KIRREL3: variants seen among roughly 807,000 people sequenced by gnomAD.
The protein encoded by KIRREL3 is kirre like nephrin family adhesion molecule 3, also known as kin of IRRE-like protein 3.
KIRREL3 carries 36 observed loss-of-function variants against 89.7 expected under a neutral mutation model. The observed-to-expected ratio is 0.40, with a 90% CI of 0.31 to 0.53. The LOEUF is 0.53. KIRREL3 is among the 20% of genes least tolerant of loss of function. The probability of loss-of-function intolerance (pLI) is 0.49; values close to 1 mark genes in which losing one functional copy is unlikely to be tolerated. For missense variants in KIRREL3, 864 were observed against 1,056.6 expected (o/e 0.82, Z 2.53); for synonymous variants, 445 against 441.4 (o/e 1.01, Z -0.10).
rs1948879193 is a variant in KIRREL3, at chr11:126,954,910, G to A, written c.55+45545C>T. On this transcript the variant is annotated intron_variant, in intron 1 of 16. Coordinates refer to ENST00000525144, the MANE Select transcript of KIRREL3 (RefSeq NM_032531.4). This position sits in a 1 kb window ranked among gnomAD's most constrained non-coding sequence, Gnocchi z 4.1. ...AAAGAAGACGCACCTCAAACATACT[G>A]TGTGGGCAACAACTCTGTCTCTTGC... is the stretch of plus-strand genomic sequence containing the variant. Among the ~76,000 whole-genome samples, 1 of 152,184 alleles carries A rather than the reference G, an allele frequency of 6.6e-6. No individual in the cohort carries two copies. The highest frequency in any genetic ancestry group is 1.5e-5 in the Non-Finnish European group (1 of 68,042).
At chr11:126,470,830 C>T (rs1476307220) in intron 5 of KIRREL3, among the ~76,000 whole-genome samples, 1 of 152,188 alleles carries the variant, frequency 6.6e-6, no homozygotes, top group Non-Finnish European at 1.5e-5. Context: ...CTGAGAAGGA[C>T]AGTCACTTCC....
chr11:126,503,376 C>G (rs1469020492), intron 4 of KIRREL3, among the ~76,000 whole-genome samples: 3 of 152,068 alleles, frequency 2.0e-5, no homozygotes, highest in South Asian at 2.1e-4. Flanking sequence ...AACATCTGCT[C>G]TCTCCCCTAG....
intron 1 of KIRREL3, among the ~76,000 whole-genome samples, chr11:126,833,870 T>C (rs980671654): frequency 1.3e-5 from 2 of 152,186 alleles, no homozygotes; most frequent in Non-Finnish European, 2.9e-5. Context: ...TGACTCCAGA[T>C]TTATGAGGGA....
intron 2 of KIRREL3, among the ~76,000 whole-genome samples, chr11:126,540,660 G>A (rs1463054312): frequency 6.6e-6 from 1 of 152,242 alleles, no homozygotes; most frequent in African/African-American, 2.4e-5. Flanking sequence ...CGAAGACACT[G>A]ATAAGTGCTG....
intron 9 of KIRREL3, among the ~76,000 whole-genome samples, chr11:126,445,681 C>T (rs1955762173): frequency 6.6e-6 from 1 of 152,160 alleles, no homozygotes; most frequent in Non-Finnish European, 1.5e-5. Context: ...TCAGACGCTC[C>T]CTTTCTATGT....
intron 1 of KIRREL3, among the ~76,000 whole-genome samples, chr11:126,762,534 G>A (rs1949696910): frequency 6.6e-6 from 1 of 152,182 alleles, no homozygotes; most frequent in Admixed American, 6.5e-5. Context: ...GTGAGCAGAA[G>A]GGCTGTGTAA....
intron 1 of KIRREL3, among the ~76,000 whole-genome samples, chr11:126,726,413 G>A (rs1473386990): frequency 6.6e-6 from 1 of 152,050 alleles, no homozygotes; most frequent in African/African-American, 2.4e-5. Flanking sequence ...TGTTGCCCAG[G>A]CTGGAGGGCG....
intron 1 of KIRREL3, among the ~76,000 whole-genome samples, chr11:126,700,205 A>T (rs63089160): frequency 7.2e-5 from 11 of 151,826 alleles, no homozygotes; most frequent in Non-Finnish European, 1.2e-4. Context: ...AAAAAAAAAA[A>T]AAGAGAGAGA....
intron 1 of KIRREL3, among the ~76,000 whole-genome samples, chr11:126,717,047 A>C (rs1291791393): frequency 6.6e-6 from 1 of 152,178 alleles, no homozygotes; most frequent in African/African-American, 2.4e-5. Flanking sequence ...TGGAAGAAGC[A>C]TTTGATTCTT....
chr11:126,488,766 C>G (rs1327658735), intron 4 of KIRREL3, among the ~76,000 whole-genome samples: 3 of 152,242 alleles, frequency 2.0e-5, no homozygotes. Context: ...TCTCCCTGCT[C>G]CTACCTGTTC....
intron 1 of KIRREL3, among the ~76,000 whole-genome samples, chr11:126,767,735 G>C (rs1487436501): frequency 1.3e-5 from 2 of 152,192 alleles, no homozygotes; most frequent in African/African-American, 4.8e-5. Context: ...TGTTCAGCCT[G>C]ATGCTAGAGA....
Position 126,924,928 on chromosome 11 carries a change from T to A in KIRREL3, c.55+75527A>T, listed in dbSNP as rs1947634110. ...GTGTATGTGTGTGTGTGTACATGCT[T>A]ATGTGTGTGTGTGTGTGTTGCAGTG... On this transcript the variant is annotated intron_variant, in intron 1 of 16. Transcript: ENST00000525144. The surrounding 1 kb of genome is among the most constrained non-coding windows in gnomAD (Gnocchi z 4.7). Among the ~76,000 whole-genome samples, 1 of 151,108 alleles carries A rather than the reference T, an allele frequency of 6.6e-6. No homozygotes were observed. The highest frequency in any genetic ancestry group is 1.9e-4 in the East Asian group (1 of 5,148).
At chr11:126,770,138 C>T (rs1271811817) in intron 1 of KIRREL3, among the ~76,000 whole-genome samples, 1 of 152,012 alleles carries the variant, frequency 6.6e-6, no homozygotes, top group Non-Finnish European at 1.5e-5. Context: ...CAGTGGGAAG[C>T]CTGAGTTGGG....
intron 2 of KIRREL3, among the ~76,000 whole-genome samples, chr11:126,559,646 C>T (rs1236970701): frequency 6.6e-6 from 1 of 151,228 alleles, no homozygotes; most frequent in Admixed American, 6.6e-5. Flanking sequence ...ACTGTGAGCT[C>T]CTTGAGGGCA....
At position 126,531,229 on chromosome 11, in the gene KIRREL3, A is replaced by G. The variant is rs1958933798; in HGVS notation, c.134-4542T>C. Among the ~76,000 whole-genome samples, 1 of 152,094 alleles carries G rather than the reference A, an allele frequency of 6.6e-6. No homozygotes were observed. The highest frequency in any genetic ancestry group is 1.9e-4 in the East Asian group (1 of 5,198). The stretch of plus-strand genomic sequence containing the variant: ...CTCTCTATTCCCACTGCTAGCACCC[A>G]AGTTCAAGCTCTCGTTGCCTCAACC... On this transcript the variant is annotated intron_variant, in intron 2 of 16. Coordinates refer to ENST00000525144, the MANE Select transcript of KIRREL3 (RefSeq NM_032531.4). This position sits in a 1 kb window ranked among gnomAD's most constrained non-coding sequence, Gnocchi z 4.7.
At position 126,531,784 on chromosome 11, in the gene KIRREL3, A is replaced by G. The variant is rs1033249609; in HGVS notation, c.134-5097T>C. 6.6e-6 allele frequency among the ~76,000 whole-genome samples: 1 copy of G among 152,140 alleles called. No homozygotes were observed. Among genetic ancestry groups the G allele is most frequent in the African/African-American group, 2.4e-5 (1 of 41,436 alleles). Reference sequence around the variant, plus strand: ...CAGAAATAAGGAAGAAACAGTGTACACTTCTTGAGGGCAGGGGCCACAGCT... The same window carrying G: ...CAGAAATAAGGAAGAAACAGTGTACGCTTCTTGAGGGCAGGGGCCACAGCT... On this transcript the variant is annotated intron_variant, in intron 2 of 16. Transcript: ENST00000525144. This position sits in a 1 kb window ranked among gnomAD's most constrained non-coding sequence, Gnocchi z 4.7.
At position 126,689,042 on chromosome 11, in the gene KIRREL3, A is replaced by AGAG. The variant is rs1946775852; in HGVS notation, c.56-126131_56-126130insCTC. On this transcript the variant is annotated intron_variant, in intron 1 of 16. Coordinates refer to ENST00000525144, the MANE Select transcript of KIRREL3 (RefSeq NM_032531.4). The surrounding 1 kb of genome is among the most constrained non-coding windows in gnomAD (Gnocchi z 5.2). ...ATGTGTGTGTGTGTAAGGGGGAGAG[A>AGAG]AGAGAGAGAGAGAGAGAGAGAGAGA... Among the ~76,000 whole-genome samples the AGAG allele has an allele frequency of 7.7e-6, 1 of 129,766 alleles. No homozygotes were observed. The highest frequency in any genetic ancestry group is 2.3e-4 in the East Asian group (1 of 4,352). The allele number at this position is 129,766 out of a possible 152,430, so 85.1% of individuals were successfully genotyped here.
At chr11:126,511,047 C>CTGTGTGTGTGTGTG (rs55885385) in intron 4 of KIRREL3, among the ~76,000 whole-genome samples, 184 of 142,256 alleles carry the variant, frequency 1.3e-3, no homozygotes, top group Middle Eastern at 3.6e-3. Flanking sequence ...ATCTGCAGTG[C>CTGTGTGTGTGTGTG]TGTGTGTGTG....
In KIRREL3 at chr11:126,472,124, T is replaced by C. The variant is rs908819647; in HGVS notation, c.591+1185A>G. ...TTAAATGTGAATTTCAGATATATAA[T>C]GACTGTCTTCTTTAGTATAAGTATG... On this transcript the variant is annotated intron_variant, in intron 5 of 16. Coordinates refer to ENST00000525144, the MANE Select transcript of KIRREL3 (RefSeq NM_032531.4). Among the ~76,000 whole-genome samples, 61 of 152,360 alleles carry C rather than the reference T, an allele frequency of 4.0e-4. 1 individual carries two copies. The highest frequency in any genetic ancestry group is 1.4e-3 in the African/African-American group (60 of 41,572).
Sources: gnomAD v4.1 joint callset for allele counts (sites outside exome capture counted in the v4.1 genomes callset) on GRCh38, gnomAD v4.1.1 for gene constraint, Gnocchi (gnomAD v3.1) non-coding constraint, MANE v1.5 for transcripts, NCBI Gene and HGNC (gene_info 2026-07-23, HGNC 2026-07-21) for gene names.